The following PKD2 variants were observed in gnomAD, a reference collection of about 807,000 sequenced individuals.
PKD2 encodes polycystin-2.
Under a neutral mutation model 105.9 loss-of-function variants are expected in PKD2, and 48 were observed. That is an observed-to-expected ratio of 0.45 (90% confidence interval 0.36 to 0.58). The LOEUF is 0.58. PKD2 is among the 20% of genes least tolerant of loss of function. The pLI, the probability that PKD2 is intolerant of heterozygous loss-of-function variation, is 0.00. For synonymous variants in PKD2, 464 were observed against 481.1 expected (o/e 0.96, Z 0.46); for missense variants, 1,078 against 1,255.3 (o/e 0.86, Z 2.13).
At chr4:88,020,194 A>G (rs1726699859) in intron 2 of PKD2, among the ~76,000 whole-genome samples, 1 of 152,218 alleles carries the variant, frequency 6.6e-6, no homozygotes, top group South Asian at 2.1e-4. Flanking sequence ...ATCAGTTAAC[A>G]TAAAGTCTGC....
chr4:88,043,846 A>G (rs1727670233), intron 5 of PKD2, among the ~76,000 whole-genome samples: 2 of 152,128 alleles, frequency 1.3e-5, no homozygotes, highest in Non-Finnish European at 1.5e-5. Flanking sequence ...TCACTCTCAG[A>G]TGAGCCTCTG....
intron 10 of PKD2, among the ~76,000 whole-genome samples, chr4:88,064,986 T>C (rs1265859614): frequency 1.3e-5 from 2 of 152,144 alleles, no homozygotes; most frequent in African/African-American, 4.8e-5. Context: ...GTCTAGAAGA[T>C]AGATAATATA....
At chr4:88,057,049 G>A (rs1299934874) in intron 8 of PKD2, among the ~76,000 whole-genome samples, 14 of 152,010 alleles carry the variant, frequency 9.2e-5, no homozygotes, top group Admixed American at 9.2e-4. Flanking sequence ...GAGTGCAGTG[G>A]TGCAATCATA....
At chr4:88,038,687 G>A (rs949139578) in intron 4 of PKD2, among the ~76,000 whole-genome samples, 186 bp downstream of exon 4, 1 of 152,228 alleles carries the variant, frequency 6.6e-6, no homozygotes, top group East Asian at 1.9e-4. Flanking sequence ...CTACTTCTTA[G>A]CCTTCTTTTA....
chr4:88,025,620 A>C (rs1321889171), intron 2 of PKD2, among the ~76,000 whole-genome samples: 1 of 151,886 alleles, frequency 6.6e-6, no homozygotes, highest in African/African-American at 2.4e-5. Context: ...TCTCAAAAAA[A>C]AAAAAAAGAA....
At chr4:88,029,443 G>T (rs1235667009) in intron 2 of PKD2, among the ~76,000 whole-genome samples, 2 of 151,848 alleles carry the variant, frequency 1.3e-5, no homozygotes, top group Non-Finnish European at 2.9e-5. Flanking sequence ...TCTCTCATTG[G>T]TAACATGCCC....
At chr4:88,036,020 C>T (rs143240380) in intron 2 of PKD2, 200 bp from the exon 3 acceptor site, 11 of 721,470 alleles carry the variant, frequency 1.5e-5, no homozygotes, top group Admixed American at 6.9e-5. Flanking sequence ...ATTAATATTA[C>T]GTATTTCTTT....
chr4:88,043,614 C>A (rs1056856379), intron 5 of PKD2, among the ~76,000 whole-genome samples, 157 bp downstream of exon 5: 1 of 152,036 alleles, frequency 6.6e-6, no homozygotes, highest in East Asian at 1.9e-4. Context: ...GAAGGCTTAC[C>A]GAAATAAAGG....
At chr4:88,008,371 C>A (rs556102892) in intron 1 of PKD2, 43 bp downstream of exon 1, 27 of 1,471,936 alleles carry the variant, frequency 1.8e-5, no homozygotes, top group Non-Finnish European at 2.3e-5. Flanking sequence ...CGAACCAGAA[C>A]GGCCGGCGCC....
intron 13 of PKD2, among the ~76,000 whole-genome samples, chr4:88,070,343 T>G (rs1251134797): frequency 6.6e-6 from 1 of 151,970 alleles, no homozygotes. Context: ...AGAAAGTGTT[T>G]TTTCTGCTTC....
At chr4:88,072,305 C>G (rs1031230554) in intron 13 of PKD2, among the ~76,000 whole-genome samples, 1 of 152,096 alleles carries the variant, frequency 6.6e-6, no homozygotes, top group African/African-American at 2.4e-5. Flanking sequence ...CTTTAACTGT[C>G]TTCTTAGCTG....
chr4:88,042,453 C>G (rs146627175), intron 4 of PKD2, among the ~76,000 whole-genome samples: 69 of 152,296 alleles, frequency 4.5e-4, no homozygotes, highest in African/African-American at 1.5e-3. Context: ...AGTTACAATT[C>G]AAGATGAGTT....
At chr4:88,043,556 A>G (rs1239717836) in intron 5 of PKD2, 99 bp downstream of exon 5, 8 of 822,750 alleles carry the variant, frequency 9.7e-6, no homozygotes, top group South Asian at 4.5e-5. Flanking sequence ...AGTTAGCTAC[A>G]TGAGGATGCC....
In PKD2 at chr4:88,016,204, G is replaced by A. The variant is rs1054559528; in HGVS notation, c.596-3254G>A. ...CCTAACAGGCCATGGACCAGTACCC[G>A]TCTGCAGCCTGGGGACTGGGGACCC... On this transcript the variant is annotated intron_variant, in intron 1 of 14. Transcript: ENST00000237596. Among the ~76,000 whole-genome samples, 11 of 152,260 alleles carry A rather than the reference G, an allele frequency of 7.2e-5. No individual in the cohort carries two copies. The East Asian group carries it at 7.7e-4, about 11-fold the overall frequency.
At position 88,009,900 on chromosome 4, in the gene PKD2, CT is replaced by C. The variant is rs574028829; in HGVS notation, c.595+1573del. Among the ~76,000 whole-genome samples, 5 of 152,160 alleles carry C rather than the reference CT, an allele frequency of 3.3e-5. No homozygotes were observed. The South Asian group carries it at 8.3e-4, about 25-fold the overall frequency. On this transcript the variant is annotated intron_variant, in intron 1 of 14. Coordinates refer to ENST00000237596, the MANE Select transcript of PKD2 (RefSeq NM_000297.4). Reference sequence around the variant, plus strand: ...TCAGTTTAAGCATTTGATAACACCCCTAACCTTGTTTGAATAAACTCAATAA... The same window carrying C: ...TCAGTTTAAGCATTTGATAACACCCCAACCTTGTTTGAATAAACTCAATAA...
At chr4:88,067,510 AT>A in intron 12 of PKD2, among the ~76,000 whole-genome samples, 1 of 152,144 alleles carries the variant, frequency 6.6e-6, no homozygotes, top group East Asian at 1.9e-4. Flanking sequence ...TTTTTAAAAA[AT>A]TTTTTGTGGA....
chr4:88,066,827 CT>C (rs1321868615), intron 12 of PKD2, among the ~76,000 whole-genome samples: 2 of 152,078 alleles, frequency 1.3e-5, no homozygotes, highest in Non-Finnish European at 2.9e-5. Context: ...TCTGTGGTAA[CT>C]GAGGTACAGA....
rs765963098 is a variant in PKD2 at position 88,068,098 on chromosome 4, A to G, written c.2522+37A>G. The G allele has an allele frequency of 3.9e-6, 6 of 1,547,504 alleles. No homozygotes were observed. The African/African-American group carries it at 4.1e-5, about 11-fold the overall frequency. On this transcript the variant is annotated intron_variant, in intron 13 of 14. Transcript: ENST00000237596. ...GGAATTGGCAGAATTTGCGTTGACA[A>G]GAGTCCACATGAGACCAGGCAGTTC...
At chr4:88,047,008 G>T in intron 6 of PKD2, 138 bp downstream of exon 6, 1 of 701,224 alleles carries the variant, frequency 1.4e-6, no homozygotes, top group Non-Finnish European at 2.6e-6. Flanking sequence ...ATCAACTTCT[G>T]TTACTAATTA....
Sources: gnomAD v4.1 joint callset for allele counts (sites outside exome capture counted in the v4.1 genomes callset) on GRCh38, gnomAD v4.1.1 for gene constraint, MANE v1.5 for transcripts, NCBI Gene and HGNC (gene_info 2026-07-23, HGNC 2026-07-21) for gene names.